Variants in SPINT1 observed in about 807,000 individuals in gnomAD.
SPINT1 encodes serine peptidase inhibitor, Kunitz type 1.
A neutral mutation model predicts 53.7 loss-of-function variants in SPINT1; 38 were observed. The ratio of observed to expected loss-of-function variants is 0.71; its 90% CI spans 0.55 to 0.93. The LOEUF (loss-of-function observed/expected upper bound fraction) is 0.93. SPINT1 is among the 40% of genes least tolerant of loss of function. The pLI, the probability that SPINT1 is intolerant of heterozygous loss-of-function variation, is 0.00. For missense variants in SPINT1, 645 were observed against 692.9 expected, an observed-to-expected ratio of 0.93 and a Z score of 0.78; for synonymous variants, 283 against 280.6, an observed-to-expected ratio of 1.01 and a Z score of -0.08.
At chr15:40,850,313 C>T (rs1891420022) in intron 2 of SPINT1, among the ~76,000 whole-genome samples, 1 of 152,234 alleles carries the variant, frequency 6.6e-6, no homozygotes, top group African/African-American at 2.4e-5. Flanking sequence ...CTCAGGTGAT[C>T]CACCCGCCCC....
intron 5 of SPINT1, 78 bp from the exon 6 acceptor site, chr15:40,853,982 C>CT: frequency 3.2e-6 from 5 of 1,539,474 alleles, no homozygotes; most frequent in East Asian, 2.3e-5. Flanking sequence ...GGAGCTCTCC[C>CT]TTGCCCACCC....
intron 5 of SPINT1, 33 bp downstream of exon 5, chr15:40,853,914 G>A: frequency 6.2e-7 from 1 of 1,614,126 alleles, no homozygotes; most frequent in South Asian, 1.1e-5. Context: ...TGGGGCTCAG[G>A]CGACTTTCCC....
chr15:40,854,187 C>T, intron 6 of SPINT1, 101 bp downstream of exon 6: 3 of 1,406,188 alleles, frequency 2.1e-6, no homozygotes, highest in Admixed American at 4.6e-5. Flanking sequence ...GCCATTCCTC[C>T]CCTCAGAGTT....
intron 8 of SPINT1, among the ~76,000 whole-genome samples, chr15:40,855,237 C>T (rs1177407201): frequency 1.3e-5 from 2 of 152,044 alleles, no homozygotes; most frequent in Non-Finnish European, 2.9e-5. Flanking sequence ...AAAAATTAGC[C>T]GGATGTGGTT....
At chr15:40,847,869 T>C (rs995614394) in intron 2 of SPINT1, among the ~76,000 whole-genome samples, 5 of 152,116 alleles carry the variant, frequency 3.3e-5, no homozygotes, top group Non-Finnish European at 7.4e-5. Context: ...CTAGGCAGAC[T>C]GCTAAGTAGT....
intron 2 of SPINT1, among the ~76,000 whole-genome samples, chr15:40,852,088 A>G (rs1270621579): frequency 6.6e-6 from 1 of 152,182 alleles, no homozygotes; most frequent in Non-Finnish European, 1.5e-5. Context: ...GCCCCACATC[A>G]AGGTGTCAGC....
chr15:40,856,794 T>A lies in SPINT1; in HGVS notation c.1361T>A (p.Val454Glu), dbSNP rs747016519. 31 of 1,614,074 alleles carry A rather than the reference T, an allele frequency of 1.9e-5. No homozygotes were observed. Among genetic ancestry groups the A allele is most frequent in the Middle Eastern group, 1.6e-4 (1 of 6,078 alleles). The change falls in exon 11 of 11, where the codon GTG (valine) becomes GAG (glutamate). Residue 454 changes from valine to glutamate, a missense_variant. Transcript: ENST00000562057. Reference protein sequence around the residue: ...STGSVEMAVAVFLVICIVVVV... With the variant: ...STGSVEMAVAEFLVICIVVVV... ...GGCTCTGTGGAGATGGCTGTCGCAG[T>A]GTTCCTGGTCATCTGCATTGTGGTG... is the stretch of plus-strand genomic sequence containing the variant.
intron 2 of SPINT1, among the ~76,000 whole-genome samples, chr15:40,845,660 G>C (rs1202051071): frequency 6.6e-6 from 1 of 152,178 alleles, no homozygotes; most frequent in Non-Finnish European, 1.5e-5. Context: ...TGCTCACAGG[G>C]AGGCCTTTGG....
intron 8 of SPINT1, 86 bp downstream of exon 8, chr15:40,854,775 C>T: frequency 6.4e-7 from 1 of 1,558,516 alleles, no homozygotes; most frequent in Non-Finnish European, 8.8e-7. Context: ...CCTGAGGGGC[C>T]TGCTGGGTGT....
chr15:40,856,067 G>C lies in SPINT1; in HGVS notation c.1288+5G>C, dbSNP rs770968528. The stretch of plus-strand genomic sequence containing the variant: ...AGTCTTGTCGCGGCATCTCCAGTGA[G>C]TGGGCCAGTGAGAGGGTGGGCATGT... On this transcript the variant is annotated splice_donor_5th_base_variant and intron_variant, in intron 9 of 10. Coordinates refer to ENST00000562057, the MANE Select transcript of SPINT1 (RefSeq NM_003710.4). 36 of 1,613,678 alleles carry C rather than the reference G, an allele frequency of 2.2e-5. No homozygotes were observed. Among genetic ancestry groups the C allele is most frequent in the Non-Finnish European group, 3.1e-5 (36 of 1,179,878 alleles).
At chr15:40,854,325 G>C (rs1032952516) in intron 6 of SPINT1, 72 bp from the exon 7 acceptor site, 15 of 1,508,188 alleles carry the variant, frequency 9.9e-6, no homozygotes, top group Middle Eastern at 2.2e-4. Flanking sequence ...TCTGGGCAGA[G>C]AGGGCCAAGT....
chr15:40,857,285 G>T lies in SPINT1; in HGVS notation c.*310G>T, dbSNP rs1891677594. On this transcript the variant is annotated 3_prime_UTR_variant, in exon 11 of 11. Coordinates refer to ENST00000562057, the MANE Select transcript of SPINT1 (RefSeq NM_003710.4). ...AAGCTGCCTGTCCCTACCCCATGGTGCTAGGAAGAGGAGTGGGGTGGTGTC... is the reference window on the plus strand; with the variant it reads ...AAGCTGCCTGTCCCTACCCCATGGTTCTAGGAAGAGGAGTGGGGTGGTGTC... 1.0e-5 allele frequency: 4 copies of T among 397,394 alleles called. No homozygotes were observed. The East Asian group carries it at 1.9e-4, about 19-fold the overall frequency. The allele number at this position is 397,394 out of a possible 1,614,324, so 24.6% of individuals were successfully genotyped here. A position where few individuals can be genotyped will look rare whatever the true frequency, so the allele number is the denominator to read the frequency against.
Position 40,847,309 on chromosome 15 carries a change from G to A in SPINT1, c.475+2280G>A, listed in dbSNP as rs189251813. Among the ~76,000 whole-genome samples, 3 of 152,330 alleles carry A rather than the reference G, an allele frequency of 2.0e-5. No individual in the cohort carries two copies. In the East Asian group the frequency reaches 5.8e-4, roughly 29 times the overall value. The stretch of plus-strand genomic sequence containing the variant: ...CTGGGTCCAGTTAGAGAGGTTGGAG[G>A]TGGGTAATGACAGGGTAGAGCCATT... On this transcript the variant is annotated intron_variant, in intron 2 of 10. Transcript: ENST00000562057.
chr15:40,847,470 A>C (rs996143353), intron 2 of SPINT1, among the ~76,000 whole-genome samples: 3 of 152,196 alleles, frequency 2.0e-5, no homozygotes, highest in Non-Finnish European at 2.9e-5. Flanking sequence ...GCCTGTGGCC[A>C]GGCCAGGCCA....
rs1314626974 is a variant in SPINT1 at position 40,857,247 on chromosome 15, T to C, written c.*272T>C. The C allele has an allele frequency of 3.8e-6, 2 of 521,436 alleles. No individual in the cohort carries two copies. Among genetic ancestry groups the C allele is most frequent in the Non-Finnish European group, 6.8e-6 (2 of 292,936 alleles). 32.3% of individuals were successfully genotyped at this position (521,436 alleles called of 1,614,324 possible). A position where few individuals can be genotyped will look rare whatever the true frequency, so the allele number is the denominator to read the frequency against. ...GAGTTTGGAGGAAGTTGGAGTTTTG[T>C]TTCCTCTGTTCAAAGCTGCCTGTCC... is the stretch of plus-strand genomic sequence containing the variant. On this transcript the variant is annotated 3_prime_UTR_variant, in exon 11 of 11. Transcript: ENST00000562057.
At chr15:40,849,336 TCA>T (rs1302779781) in intron 2 of SPINT1, among the ~76,000 whole-genome samples, 1 of 152,020 alleles carries the variant, frequency 6.6e-6, no homozygotes, top group Non-Finnish European at 1.5e-5. Context: ...AGCCTCAACC[TCA>T]CAGGCTCAAG....
intron 2 of SPINT1, among the ~76,000 whole-genome samples, chr15:40,846,341 T>C (rs1470010605): frequency 3.3e-5 from 5 of 152,144 alleles, no homozygotes; most frequent in Non-Finnish European, 1.5e-5. Flanking sequence ...TCTCATAACC[T>C]CTGTGAGCAC....
chr15:40,857,354 A>G lies in SPINT1; in HGVS notation c.*379A>G. ...CCCTGTCCTCCCGAGCTCCTCTTCC[A>G]TGCTGTGCGCCCAGGGCTGGGAGGA... On this transcript the variant is annotated 3_prime_UTR_variant, in exon 11 of 11. Coordinates refer to ENST00000562057, the MANE Select transcript of SPINT1 (RefSeq NM_003710.4). 1 of 243,040 alleles carries G rather than the reference A, an allele frequency of 4.1e-6. No individual in the cohort carries two copies. The highest frequency in any genetic ancestry group is 8.0e-6 in the Non-Finnish European group (1 of 125,500). The allele number at this position is 243,040 out of a possible 1,614,324, so 15.1% of individuals were successfully genotyped here. A position where few individuals can be genotyped will look rare whatever the true frequency, so the allele number is the denominator to read the frequency against.
At chr15:40,845,963 G>A (rs567046472) in intron 2 of SPINT1, among the ~76,000 whole-genome samples, 16 of 152,312 alleles carry the variant, frequency 1.1e-4, no homozygotes, top group African/African-American at 2.6e-4. Context: ...CCCAGTCTGC[G>A]GTTGATCCAA....
Sources: allele counts gnomAD v4.1 joint callset (sites outside exome capture counted in the v4.1 genomes callset), GRCh38; gene constraint gnomAD v4.1.1; transcripts MANE v1.5; gene names NCBI Gene and HGNC (gene_info 2026-07-23, HGNC 2026-07-21).